The following CBY1 variants were observed in gnomAD, a reference collection of about 807,000 sequenced individuals.
CBY1 encodes the protein chibby 1, beta catenin antagonist, also known as protein chibby homolog 1.
Under a neutral mutation model 15.6 loss-of-function variants are expected in CBY1, and 10 were observed. The observed-to-expected ratio is 0.64, with a 90% CI of 0.40 to 1.09. The LOEUF is 1.09. CBY1 is among the 50% of genes least tolerant of loss of function. The probability of loss-of-function intolerance (pLI) is 0.01; values close to 1 mark genes in which losing one functional copy is unlikely to be tolerated. For missense variants in CBY1, 150 were observed against 160.5 expected (o/e 0.93, Z 0.35); for synonymous variants, 61 against 63.5 (o/e 0.96, Z 0.19).
chr22:38,673,034 C>G, intron 4 of CBY1, 125 bp from the exon 5 acceptor site: 1 of 640,338 alleles, frequency 1.6e-6, no homozygotes, highest in South Asian at 1.7e-5. Context: ...GGTTTCCCAT[C>G]GAGGAAGCCA....
At chr22:38,666,915 G>A (rs1388132959) in intron 1 of CBY1, among the ~76,000 whole-genome samples, 1 of 151,836 alleles carries the variant, frequency 6.6e-6, no homozygotes, top group Non-Finnish European at 1.5e-5. Context: ...CGTTGGCCAG[G>A]CTGGTCTCAA....
Position 38,673,234 on chromosome 22 carries a change from TGAA to T in CBY1, c.*1_*3del, listed in dbSNP as rs2092458279. 1 of 1,606,746 alleles carries T rather than the reference TGAA, an allele frequency of 6.2e-7. No homozygotes were observed. The highest frequency in any genetic ancestry group is 8.5e-7 in the Non-Finnish European group (1 of 1,173,834). On this transcript the variant is annotated stop_retained_variant and 3_prime_UTR_variant, in exon 5 of 5. Coordinates refer to ENST00000216029, the MANE Select transcript of CBY1 (RefSeq NM_015373.4). ...ACTGAGGATCAGCCGGAAGAGAAAATGAAGACCCCAGAGACATTTATTGGGGAG... is the reference window on the plus strand; with the variant it reads ...ACTGAGGATCAGCCGGAAGAGAAAATGACCCCAGAGACATTTATTGGGGAG...
rs575462841 is a variant in CBY1, at chr22:38,673,585, G to A, written c.*349G>A. The A allele has an allele frequency of 3.4e-5, 8 of 235,160 alleles. No homozygotes were observed. Among genetic ancestry groups the A allele is most frequent in the Admixed American group, 9.3e-5 (2 of 21,618 alleles). 14.6% of individuals were successfully genotyped at this position (235,160 alleles called of 1,614,324 possible). On this transcript the variant is annotated 3_prime_UTR_variant, in exon 5 of 5. Transcript: ENST00000216029. Reference sequence around the variant, plus strand: ...GGTTGTGTTGGGAGAAGCGGCTGGAGTTCATTCTCTCACCCCCTTATGTTG... The same window carrying A: ...GGTTGTGTTGGGAGAAGCGGCTGGAATTCATTCTCTCACCCCCTTATGTTG...
intron 1 of CBY1, among the ~76,000 whole-genome samples, chr22:38,663,116 T>G (rs1271372969): frequency 6.6e-6 from 1 of 151,802 alleles, no homozygotes; most frequent in Admixed American, 6.6e-5. Flanking sequence ...TAAGACTTGA[T>G]CTCAAAATAA....
At chr22:38,657,434 C>CT (rs2092403205) in intron 1 of CBY1, among the ~76,000 whole-genome samples, 1 of 152,230 alleles carries the variant, frequency 6.6e-6, no homozygotes, top group African/African-American at 2.4e-5. Flanking sequence ...AAGCCAGGTG[C>CT]TCCCCCTTCA....
chr22:38,666,935 C>T (rs867063061), intron 1 of CBY1, among the ~76,000 whole-genome samples: 7 of 151,954 alleles, frequency 4.6e-5, no homozygotes, highest in Admixed American at 6.6e-5. Flanking sequence ...AACTCCTGAC[C>T]TCTTGATTTG....
Position 38,673,340 on chromosome 22 carries a change from C to T in CBY1, c.*104C>T, listed in dbSNP as rs1461208739. ...GAAGAGAGTATCATATAATGAGACC[C>T]ACAGGCACTGGCACCCTTGGGTTGG... is the stretch of plus-strand genomic sequence containing the variant. On this transcript the variant is annotated 3_prime_UTR_variant, in exon 5 of 5. Coordinates refer to ENST00000216029, the MANE Select transcript of CBY1 (RefSeq NM_015373.4). 4 of 714,932 alleles carry T rather than the reference C, an allele frequency of 5.6e-6. No individual in the cohort carries two copies. Among genetic ancestry groups the T allele is most frequent in the African/African-American group, 1.8e-5 (1 of 56,316 alleles). The allele number at this position is 714,932 out of a possible 1,614,324, so 44.3% of individuals were successfully genotyped here.
At chr22:38,664,875 G>T (rs2092431777) in intron 1 of CBY1, among the ~76,000 whole-genome samples, 1 of 151,408 alleles carries the variant, frequency 6.6e-6, no homozygotes, top group African/African-American at 2.4e-5. Flanking sequence ...ACAGGGTCTT[G>T]CTCTGTTGCC....
chr22:38,659,560 A>G (rs942451294), intron 1 of CBY1, among the ~76,000 whole-genome samples: 4 of 151,954 alleles, frequency 2.6e-5, no homozygotes, highest in African/African-American at 9.7e-5. Context: ...TAGGCCCACA[A>G]TTTTATTATA....
At chr22:38,661,677 CT>C (rs2092422734) in intron 1 of CBY1, among the ~76,000 whole-genome samples, 2 of 151,726 alleles carry the variant, frequency 1.3e-5, no homozygotes, top group South Asian at 4.2e-4. Flanking sequence ...GTTTTTTTTC[CT>C]GTTCTCATTG....
Position 38,665,960 on chromosome 22 carries a change from CA to C in CBY1, c.-38-2046del, listed in dbSNP as rs889499989. Among the ~76,000 whole-genome samples, 889 of 141,776 alleles carry C rather than the reference CA, an allele frequency of 6.3e-3. 12 individuals carry two copies. Among genetic ancestry groups the C allele is most frequent in the African/African-American group, 0.018 (710 of 38,722 alleles). 93.0% of individuals were successfully genotyped at this position (141,776 alleles called of 152,430 possible). Reference sequence around the variant, plus strand: ...TGAGGCACAGAGCAGGGCTCTGTCTCAAAAAAAAAAATCATAAATAAAAAAT... The same window carrying C: ...TGAGGCACAGAGCAGGGCTCTGTCTCAAAAAAAAAATCATAAATAAAAAAT... On this transcript the variant is annotated intron_variant, in intron 1 of 4. Transcript: ENST00000216029.
intron 1 of CBY1, 62 bp from the exon 2 acceptor site, chr22:38,667,955 G>A: frequency 1.2e-6 from 1 of 843,590 alleles, no homozygotes; most frequent in Non-Finnish European, 2.0e-6. Context: ...TTCAAGATTT[G>A]AAGACAATGG....
chr22:38,668,237 C>T (rs1156661868), intron 2 of CBY1, 105 bp downstream of exon 2: 4 of 722,584 alleles, frequency 5.5e-6, no homozygotes, highest in Non-Finnish European at 7.6e-6. Context: ...TGCAGGAGGG[C>T]ATCCTTTCCG....
intron 1 of CBY1, among the ~76,000 whole-genome samples, chr22:38,661,262 C>A (rs545548081): frequency 1.3e-5 from 2 of 152,258 alleles, no homozygotes; most frequent in Non-Finnish European, 2.9e-5. Context: ...CAACCTCCGC[C>A]TCCCAGGTTC....
At chr22:38,665,723 A>G (rs1257348073) in intron 1 of CBY1, 6 of 1,229,654 alleles carry the variant, frequency 4.9e-6, no homozygotes, top group Non-Finnish European at 6.1e-6. Context: ...CTGTATCCCA[A>G]TCTGGAGGGT....
chr22:38,668,438 T>C (rs907200996), intron 2 of CBY1: 1 of 209,134 alleles, frequency 4.8e-6, no homozygotes, highest in Non-Finnish European at 9.7e-6. Context: ...TGGCGCGATC[T>C]TGACTCACTG....
intron 1 of CBY1, among the ~76,000 whole-genome samples, chr22:38,665,089 C>T (rs573227494): frequency 1.3e-5 from 2 of 152,330 alleles, no homozygotes; most frequent in South Asian, 4.1e-4. Flanking sequence ...AGTGATCCTC[C>T]TGTCTTGGCC....
intron 1 of CBY1, among the ~76,000 whole-genome samples, chr22:38,660,246 G>C (rs1176669017): frequency 6.6e-6 from 1 of 151,690 alleles, no homozygotes; most frequent in East Asian, 1.9e-4. Flanking sequence ...CCAGGCTGGA[G>C]TGCAGTGGCG....
chr22:38,661,684 C>CCAAT (rs2092422759), intron 1 of CBY1, among the ~76,000 whole-genome samples: 1 of 152,036 alleles, frequency 6.6e-6, no homozygotes, highest in Non-Finnish European at 1.5e-5. Flanking sequence ...TTCCTGTTCT[C>CCAAT]ATTGGATACA....
Sources: allele counts gnomAD v4.1 joint callset (sites outside exome capture counted in the v4.1 genomes callset), GRCh38; gene constraint gnomAD v4.1.1; transcripts MANE v1.5; gene names NCBI Gene and HGNC (gene_info 2026-07-23, HGNC 2026-07-21).